BFSP2: variants seen among roughly 807,000 people sequenced by gnomAD.
BFSP2 encodes beaded filament structural protein 2.
BFSP2 carries 38 observed loss-of-function variants against 44.9 expected under a neutral mutation model. That is an observed-to-expected ratio of 0.85 (90% CI 0.65 to 1.11). The LOEUF is 1.11. Ranked by LOEUF, BFSP2 falls within the 50% of genes least tolerant of loss-of-function variation. The pLI, the probability that BFSP2 is intolerant of heterozygous loss-of-function variation, is 0.00. For synonymous variants in BFSP2, 197 were observed against 209.9 expected (o/e 0.94, Z 0.53); for missense variants, 525 against 533.0 (o/e 0.99, Z 0.15).
chr3:133,446,936 G>A (rs1238706770), intron 1 of BFSP2, among the ~76,000 whole-genome samples: 1 of 151,758 alleles, frequency 6.6e-6, no homozygotes, highest in African/African-American at 2.4e-5. Flanking sequence ...GCCTTCCAAA[G>A]GCATCCATGA....
At chr3:133,465,213 G>A (rs774401097) in intron 4 of BFSP2, among the ~76,000 whole-genome samples, 2 of 151,874 alleles carry the variant, frequency 1.3e-5, no homozygotes, top group Admixed American at 6.6e-5. Context: ...CACCATATTG[G>A]TCAGTCTGGT....
intron 3 of BFSP2, among the ~76,000 whole-genome samples, chr3:133,449,941 AAGAG>A (rs2107925624): frequency 7.8e-6 from 1 of 127,666 alleles, no homozygotes; most frequent in Admixed American, 7.6e-5. Context: ...GACGGAAAGA[AAGAG>A]AGAAAGAGAG....
At chr3:133,438,667 G>A (rs2073815260) in intron 1 of BFSP2, among the ~76,000 whole-genome samples, 1 of 152,174 alleles carries the variant, frequency 6.6e-6, no homozygotes, top group Non-Finnish European at 1.5e-5. Context: ...TAAATCAGGT[G>A]ATAATTAAAT....
intron 1 of BFSP2, among the ~76,000 whole-genome samples, chr3:133,418,904 C>T (rs564621537): frequency 2.0e-5 from 3 of 152,232 alleles, no homozygotes; most frequent in Admixed American, 1.3e-4. Context: ...CCATAACATA[C>T]GGGGCTACCT....
At chr3:133,452,710 A>C (rs1361187778) in intron 4 of BFSP2, among the ~76,000 whole-genome samples, 2 of 152,062 alleles carry the variant, frequency 1.3e-5, no homozygotes, top group Non-Finnish European at 2.9e-5. Flanking sequence ...TGGTCCAGAG[A>C]CCTTTTCTCT....
chr3:133,405,921 C>A (rs116207640), intron 1 of BFSP2, among the ~76,000 whole-genome samples: 1 of 152,088 alleles, frequency 6.6e-6, no homozygotes, highest in African/African-American at 2.4e-5. Context: ...GGGTCTTGTT[C>A]ATATAATACA....
chr3:133,473,244 A>C (rs2074183221), intron 6 of BFSP2, among the ~76,000 whole-genome samples: 1 of 152,080 alleles, frequency 6.6e-6, no homozygotes, highest in Non-Finnish European at 1.5e-5. Flanking sequence ...TTTATTTAAG[A>C]GTCCCAGAAA....
At chr3:133,454,607 G>A (rs1055237998) in intron 4 of BFSP2, among the ~76,000 whole-genome samples, 4 of 152,178 alleles carry the variant, frequency 2.6e-5, no homozygotes, top group African/African-American at 7.2e-5. Flanking sequence ...CCTCTGCAGA[G>A]GGATAAGTAG....
intron 1 of BFSP2, among the ~76,000 whole-genome samples, chr3:133,441,787 A>G (rs1191353982): frequency 6.6e-6 from 1 of 152,244 alleles, no homozygotes; most frequent in African/African-American, 2.4e-5. Flanking sequence ...AAAATAATTT[A>G]AAAACCATAA....
intron 6 of BFSP2, among the ~76,000 whole-genome samples, chr3:133,474,012 T>C (rs2074190982): frequency 2.0e-5 from 3 of 152,168 alleles, no homozygotes; most frequent in Admixed American, 2.0e-4. Flanking sequence ...CCAGACTCCA[T>C]AGTGGAGGCA....
chr3:133,425,790 G>GA (rs1553779092), intron 1 of BFSP2, among the ~76,000 whole-genome samples: 5,571 of 139,860 alleles, frequency 0.04, 475 homozygotes, highest in African/African-American at 0.15. Flanking sequence ...AAAGGGAAGG[G>GA]AAGGGAAGGG....
intron 1 of BFSP2, chr3:133,404,740 A>G (rs2073390216): frequency 6.6e-6 from 1 of 152,200 alleles, no homozygotes; most frequent in Admixed American, 6.5e-5. Context: ...CTCTTTGAAC[A>G]TGGGGCCCCA....
chr3:133,467,049 G>A, intron 5 of BFSP2, 90 bp downstream of exon 5: 1 of 1,548,292 alleles, frequency 6.5e-7, no homozygotes, highest in Non-Finnish European at 8.9e-7. Flanking sequence ...AGTTTCCAGG[G>A]GATTCCCATC....
At chr3:133,445,614 G>A (rs565500194) in intron 1 of BFSP2, 9 of 152,116 alleles carry the variant, frequency 5.9e-5, no homozygotes, top group Admixed American at 6.5e-5. Context: ...AGATGATTGC[G>A]TTTATACTGA....
chr3:133,471,277 G>C (rs1255724264), intron 5 of BFSP2, among the ~76,000 whole-genome samples: 2 of 152,284 alleles, frequency 1.3e-5, no homozygotes, highest in Admixed American at 1.3e-4. Context: ...ACAGGTGAGA[G>C]GTGACAAGCT....
intron 1 of BFSP2, among the ~76,000 whole-genome samples, chr3:133,443,031 G>T (rs1376488310): frequency 6.6e-6 from 1 of 151,838 alleles, no homozygotes; most frequent in Admixed American, 6.6e-5. Context: ...CTAATTTTTT[G>T]TATTTTTAGT....
At chr3:133,404,358 A>G (rs997423287) in intron 1 of BFSP2, among the ~76,000 whole-genome samples, 14 of 152,192 alleles carry the variant, frequency 9.2e-5, no homozygotes, top group African/African-American at 1.7e-4. Context: ...CCCTTCTGAC[A>G]CCTGCTCCAA....
intron 4 of BFSP2, among the ~76,000 whole-genome samples, chr3:133,462,974 G>A (rs1349330655): frequency 1.3e-5 from 2 of 152,132 alleles, no homozygotes; most frequent in South Asian, 2.1e-4. Flanking sequence ...CAGAAGAGAC[G>A]GAGGCAAGTT....
chr3:133,400,454 C>A lies in BFSP2; in HGVS notation c.371C>A (p.Ala124Asp). ...CLVEYMAKVH[A>D]LEQVSQELET... The stretch of plus-strand genomic sequence containing the variant: ...GTGGAATATATGGCCAAAGTGCACG[C>A]CCTTGAGCAAGTCAGTCAGGAGCTG... The change falls in exon 1 of 7, where the codon GCC becomes GAC. Residue 124 changes from alanine (A) to aspartate (D), a missense_variant. Physicochemically the swap from Ala to Asp is moderately radical, Grantham distance 126. Coordinates refer to ENST00000302334, the MANE Select transcript of BFSP2 (RefSeq NM_003571.4). This position sits in a 1 kb window ranked among gnomAD's most constrained non-coding sequence, Gnocchi z 4.0. 2 of 1,614,030 alleles carry A rather than the reference C, an allele frequency of 1.2e-6. No homozygotes were observed. The highest frequency in any genetic ancestry group is 8.5e-7 in the Non-Finnish European group (1 of 1,180,050).
Sources: gnomAD v4.1 joint callset for allele counts (sites outside exome capture counted in the v4.1 genomes callset) on GRCh38, gnomAD v4.1.1 for gene constraint, Gnocchi (gnomAD v3.1) non-coding constraint, MANE v1.5 for transcripts, NCBI Gene and HGNC (gene_info 2026-07-23, HGNC 2026-07-21) for gene names.